TMEM132D: variants seen among roughly 807,000 people sequenced by gnomAD.
The protein encoded by TMEM132D is mature OL transmembrane protein.
In TMEM132D, 21 loss-of-function variants were observed where a neutral mutation model predicts 62.3. The observed-to-expected ratio is 0.34, with a 90% CI of 0.24 to 0.49. The LOEUF is 0.49. Ranked by LOEUF, TMEM132D falls within the 20% of genes least tolerant of loss-of-function variation. The pLI, the probability that TMEM132D is intolerant of heterozygous loss-of-function variation, is 0.99. For synonymous variants in TMEM132D, 621 were observed against 575.6 expected, an observed-to-expected ratio of 1.08 and a Z score of -1.13; for missense variants, 1,346 against 1,402.8, an observed-to-expected ratio of 0.96 and a Z score of 0.65.
intron 4 of TMEM132D, among the ~76,000 whole-genome samples, chr12:129,214,225 T>C (rs1879139734): frequency 6.6e-6 from 1 of 152,166 alleles, no homozygotes; most frequent in African/African-American, 2.4e-5. Flanking sequence ...AAGTAATCTG[T>C]CATGCAGTGG....
chr12:129,719,108 G>T (rs1001779030), intron 1 of TMEM132D, among the ~76,000 whole-genome samples: 1 of 116,290 alleles, frequency 8.6e-6, no homozygotes, highest in Non-Finnish European at 1.9e-5. Flanking sequence ...AAGAAAAAAA[G>T]CTGGGTGTAG....
At chr12:129,144,239 T>A (rs1876827023) in intron 5 of TMEM132D, among the ~76,000 whole-genome samples, 1 of 152,166 alleles carries the variant, frequency 6.6e-6, no homozygotes, top group Admixed American at 6.5e-5. Flanking sequence ...CAAGGAATTA[T>A]GTGCTTGTCA....
chr12:129,768,213 A>C (rs2100324), intron 1 of TMEM132D, among the ~76,000 whole-genome samples: 144,121 of 152,224 alleles, frequency 0.95, 68,505 homozygotes, highest in Non-Finnish European at 1. Flanking sequence ...ATTCTGTTTT[A>C]AATTCTTTTG....
chr12:129,303,835 G>A (rs1881778356), intron 4 of TMEM132D, among the ~76,000 whole-genome samples: 1 of 151,818 alleles, frequency 6.6e-6, no homozygotes, highest in African/African-American at 2.4e-5. Flanking sequence ...GGTGGGTTGA[G>A]GGGGCGGGTT....
intron 2 of TMEM132D, among the ~76,000 whole-genome samples, chr12:129,561,700 A>G (rs1427650300): frequency 6.6e-6 from 1 of 152,216 alleles, no homozygotes; most frequent in Non-Finnish European, 1.5e-5. Context: ...AAATTAAATC[A>G]ATTTGTTTAT....
chr12:129,087,693 G>T (rs1277550239), intron 5 of TMEM132D, among the ~76,000 whole-genome samples: 1 of 152,200 alleles, frequency 6.6e-6, no homozygotes, highest in Admixed American at 6.5e-5. Flanking sequence ...CTTGATGTCG[G>T]CCCAGTGGAG....
intron 3 of TMEM132D, among the ~76,000 whole-genome samples, chr12:129,385,657 A>C (rs1871089106): frequency 6.6e-6 from 1 of 152,226 alleles, no homozygotes; most frequent in South Asian, 2.1e-4. Flanking sequence ...GTGTTCTGAC[A>C]AGAGAGTAAG....
chr12:129,338,993 G>C (rs971449915), intron 3 of TMEM132D, among the ~76,000 whole-genome samples: 50 of 152,058 alleles, frequency 3.3e-4, no homozygotes, highest in African/African-American at 1.1e-3. Flanking sequence ...AAAGGAGGGA[G>C]GGAGGGAAAA....
intron 4 of TMEM132D, among the ~76,000 whole-genome samples, chr12:129,216,364 C>T (rs1320406860): frequency 6.6e-6 from 1 of 152,134 alleles, no homozygotes; most frequent in Non-Finnish European, 1.5e-5. Flanking sequence ...ATCAGTATCT[C>T]TGTAGATGTG....
At chr12:129,750,767 C>T (rs1280273377) in intron 1 of TMEM132D, among the ~76,000 whole-genome samples, 4 of 151,896 alleles carry the variant, frequency 2.6e-5, no homozygotes, top group South Asian at 4.2e-4. Context: ...TGCTGTGCTG[C>T]GCCATAGTAG....
chr12:129,410,239 A>G (rs181448450), intron 3 of TMEM132D, among the ~76,000 whole-genome samples: 1 of 152,370 alleles, frequency 6.6e-6, no homozygotes, highest in Non-Finnish European at 1.5e-5. Flanking sequence ...GTTTCCACAC[A>G]GGAAAACACA....
intron 5 of TMEM132D, among the ~76,000 whole-genome samples, chr12:129,168,755 C>G (rs903337740): frequency 2.0e-5 from 3 of 152,154 alleles, no homozygotes; most frequent in African/African-American, 4.8e-5. Context: ...CTGGTGGTAT[C>G]TCATCTTATT....
chr12:129,769,044 T>C (rs1033253091), intron 1 of TMEM132D, among the ~76,000 whole-genome samples: 2 of 152,176 alleles, frequency 1.3e-5, no homozygotes, highest in East Asian at 1.9e-4. Context: ...TGTTCAGTTG[T>C]GGCCATGGTG....
At chr12:129,476,435 A>T (rs1874257281) in intron 3 of TMEM132D, among the ~76,000 whole-genome samples, 1 of 152,204 alleles carries the variant, frequency 6.6e-6, no homozygotes. Context: ...AGTGACTCCC[A>T]ACAGGCTTAT....
intron 5 of TMEM132D, among the ~76,000 whole-genome samples, chr12:129,095,635 A>G (rs4964849): frequency 0.3 from 45,008 of 151,994 alleles, 7,399 homozygotes; most frequent in East Asian, 0.45. Context: ...TATAGGTGTG[A>G]GCCACTGTGC....
intron 3 of TMEM132D, among the ~76,000 whole-genome samples, chr12:129,439,022 G>A (rs1180855149): frequency 6.6e-6 from 1 of 152,136 alleles, no homozygotes; most frequent in Non-Finnish European, 1.5e-5. Flanking sequence ...AAGCCTCCAG[G>A]TTTTATGCCC....
chr12:129,855,118 G>GGGTGCCCTT (rs1566009819), intron 1 of TMEM132D, among the ~76,000 whole-genome samples: 1 of 129,456 alleles, frequency 7.7e-6, no homozygotes, highest in Admixed American at 7.4e-5. Context: ...GGAACGGGAT[G>GGGTGCCCTT]GCTGCCCTTG....
chr12:129,490,209 T>G (rs905935319), intron 3 of TMEM132D, among the ~76,000 whole-genome samples: 1 of 152,086 alleles, frequency 6.6e-6, no homozygotes, highest in Non-Finnish European at 1.5e-5. Context: ...CTCCACACAA[T>G]ACTCAAAACA....
chr12:129,402,529 T>A (rs1546704), intron 3 of TMEM132D, among the ~76,000 whole-genome samples: 15,389 of 152,174 alleles, frequency 0.1, 837 homozygotes, highest in South Asian at 0.15. Context: ...TCTCAGCTCA[T>A]CAGCATGCCC....
Sources: allele counts gnomAD v4.1 joint callset (sites outside exome capture counted in the v4.1 genomes callset), GRCh38; gene constraint gnomAD v4.1.1; transcripts MANE v1.5; gene names NCBI Gene and HGNC (gene_info 2026-07-23, HGNC 2026-07-21).